The following RBFOX1 variants were observed in gnomAD, a reference collection of about 807,000 sequenced individuals.
The protein encoded by RBFOX1 is RNA binding protein fox-1 homolog 1.
RBFOX1 carries 8 observed loss-of-function variants against 57.7 expected under a neutral mutation model. That is an observed-to-expected ratio of 0.14 (90% CI 0.08 to 0.25). RBFOX1 has a LOEUF of 0.25. RBFOX1 is among the 10% of genes least tolerant of loss of function. The pLI is 1.00. For synonymous variants in RBFOX1, 326 were observed against 222.4 expected (o/e 1.47, Z -4.15); for missense variants, 611 against 548.5 (o/e 1.11, Z -1.14).
chr16:6,663,673 T>A (rs8057978), intron 3 of RBFOX1, among the ~76,000 whole-genome samples: 1 of 151,874 alleles, frequency 6.6e-6, no homozygotes, highest in Admixed American at 6.6e-5. Flanking sequence ...TTCTTTTCTG[T>A]TTCCAATGTC....
chr16:5,800,292 A>G (rs533132027), intron 3 of RBFOX1, among the ~76,000 whole-genome samples: 2 of 152,316 alleles, frequency 1.3e-5, no homozygotes, highest in African/African-American at 4.8e-5. Flanking sequence ...ACTGGACCCC[A>G]TAGTCCATTT....
At chr16:6,361,452 A>AC (rs2088503210) in intron 2 of RBFOX1, among the ~76,000 whole-genome samples, 1 of 151,770 alleles carries the variant, frequency 6.6e-6, no homozygotes, top group African/African-American at 2.4e-5. Context: ...ATATGGTGAC[A>AC]CCCCGTGTCT....
chr16:7,577,722 A>G (rs1045720688), intron 5 of RBFOX1, among the ~76,000 whole-genome samples: 1 of 152,196 alleles, frequency 6.6e-6, no homozygotes, highest in Non-Finnish European at 1.5e-5. Context: ...TGGGCAACTT[A>G]GTGTGACCCA....
At chr16:5,990,484 C>G (rs1309712440) in intron 4 of RBFOX1, among the ~76,000 whole-genome samples, 1 of 152,210 alleles carries the variant, frequency 6.6e-6, no homozygotes, top group Admixed American at 6.5e-5. Flanking sequence ...TCTGGCTTGA[C>G]CTATTCCATT....
chr16:5,310,365 T>A (rs2064053325), intron 1 of RBFOX1, among the ~76,000 whole-genome samples: 1 of 151,930 alleles, frequency 6.6e-6, no homozygotes, highest in Non-Finnish European at 1.5e-5. Flanking sequence ...CATGCCACTG[T>A]ACTCCACCCT....
chr16:7,707,893 G>T (rs1205901674), intron 14 of RBFOX1, among the ~76,000 whole-genome samples: 1 of 152,122 alleles, frequency 6.6e-6, no homozygotes, highest in Non-Finnish European at 1.5e-5. Flanking sequence ...CACTTGCACA[G>T]GAATCTATTC....
At chr16:6,922,584 G>A (rs2074716497) in intron 3 of RBFOX1, among the ~76,000 whole-genome samples, 1 of 152,110 alleles carries the variant, frequency 6.6e-6, no homozygotes, top group Admixed American at 6.5e-5. Flanking sequence ...TCGTGTGTGT[G>A]GAATAAATGA....
intron 2 of RBFOX1, among the ~76,000 whole-genome samples, chr16:6,509,613 G>C (rs1329859649): frequency 6.6e-6 from 1 of 152,126 alleles, no homozygotes; most frequent in East Asian, 1.9e-4. Flanking sequence ...ATAAGTCTTA[G>C]TGTTTGCTAG....
chr16:7,086,113 G>T (rs1467231500), intron 4 of RBFOX1, among the ~76,000 whole-genome samples: 3 of 152,158 alleles, frequency 2.0e-5, no homozygotes, highest in African/African-American at 2.4e-5. Context: ...TGCTTAGCCA[G>T]TATGCATCTT....
intron 1 of RBFOX1, among the ~76,000 whole-genome samples, chr16:5,356,742 C>T (rs1351942733): frequency 6.6e-6 from 1 of 152,146 alleles, no homozygotes; most frequent in African/African-American, 2.4e-5. Context: ...GCCTAGAATG[C>T]CTTGGAAATC....
intron 3 of RBFOX1, among the ~76,000 whole-genome samples, chr16:6,780,455 TTTA>T (rs1396357020): frequency 9.7e-6 from 1 of 102,708 alleles, no homozygotes; most frequent in Non-Finnish European, 1.7e-5. Context: ...TATATACATT[TTTA>T]TATATATTTA....
chr16:5,789,193 A>T (rs2054608074), intron 3 of RBFOX1, among the ~76,000 whole-genome samples: 1 of 152,192 alleles, frequency 6.6e-6, no homozygotes, highest in Non-Finnish European at 1.5e-5. Context: ...GAATTGAAGC[A>T]TTTGTCTTAG....
intron 1 of RBFOX1, among the ~76,000 whole-genome samples, chr16:6,238,326 T>G (rs2097522365): frequency 6.6e-6 from 1 of 152,166 alleles, no homozygotes; most frequent in African/African-American, 2.4e-5. Flanking sequence ...AGGTTTGCCC[T>G]TAATCCAGGA....
intron 4 of RBFOX1, among the ~76,000 whole-genome samples, chr16:7,368,741 C>G (rs1314787745): frequency 6.6e-6 from 1 of 150,902 alleles, no homozygotes; most frequent in African/African-American, 2.4e-5. Context: ...GATCACGCCC[C>G]TGCACTCCAG....
intron 1 of RBFOX1, among the ~76,000 whole-genome samples, chr16:6,243,055 A>G (rs1168869987): frequency 6.6e-6 from 1 of 152,144 alleles, no homozygotes; most frequent in Non-Finnish European, 1.5e-5. Flanking sequence ...GTTAACAGAG[A>G]GTGAAGGTAA....
chr16:7,488,330 A>G (rs541402977), intron 4 of RBFOX1, among the ~76,000 whole-genome samples: 1 of 152,166 alleles, frequency 6.6e-6, no homozygotes, highest in African/African-American at 2.4e-5. Context: ...TTTCTCCTTT[A>G]TTATAGCTAG....
At chr16:7,411,630 G>A (rs1386742512) in intron 4 of RBFOX1, among the ~76,000 whole-genome samples, 8 of 152,312 alleles carry the variant, frequency 5.3e-5, no homozygotes, top group Non-Finnish European at 8.8e-5. Flanking sequence ...CAGGCCAGGC[G>A]TGGTGGCTCA....
At chr16:7,319,741 A>G (rs1278526924) in intron 4 of RBFOX1, among the ~76,000 whole-genome samples, 1 of 152,172 alleles carries the variant, frequency 6.6e-6, no homozygotes, top group Non-Finnish European at 1.5e-5. Flanking sequence ...TGAAGCAGGC[A>G]GAGGAAAGGA....
intron 4 of RBFOX1, among the ~76,000 whole-genome samples, chr16:7,269,236 T>C (rs946489748): frequency 5.9e-5 from 9 of 152,120 alleles, no homozygotes; most frequent in Non-Finnish European, 1.0e-4. Context: ...CTCTTCTCAG[T>C]GCTTCCTGCT....
Sources: gnomAD v4.1 joint callset for allele counts (sites outside exome capture counted in the v4.1 genomes callset) on GRCh38, gnomAD v4.1.1 for gene constraint, MANE v1.5 for transcripts, NCBI Gene and HGNC (gene_info 2026-07-23, HGNC 2026-07-21) for gene names.